ATP1A4: variants seen among roughly 807,000 people sequenced by gnomAD.
ATP1A4 encodes the protein ATPase Na+/K+ transporting subunit alpha 4.
A neutral mutation model predicts 114.3 loss-of-function variants in ATP1A4; 90 were observed. That is an observed-to-expected ratio of 0.79 (90% CI 0.66 to 0.94). The LOEUF (loss-of-function observed/expected upper bound fraction) is 0.94, where lower values mean the gene tolerates loss of function less well. ATP1A4 is among the 40% of genes least tolerant of loss of function. ATP1A4 has a pLI of 0.00. For synonymous variants in ATP1A4, 511 were observed against 494.1 expected (o/e 1.03, Z -0.45); for missense variants, 1,222 against 1,313.6 (o/e 0.93, Z 1.08).
In ATP1A4 at chr1:160,152,030, T is replaced by C. The variant is rs1486270532; in HGVS notation, c.-11T>C. The C allele has an allele frequency of 2.5e-6, 4 of 1,607,592 alleles. No homozygotes were observed. Among genetic ancestry groups the C allele is most frequent in the African/African-American group, 1.3e-5 (1 of 74,460 alleles). On this transcript the variant is annotated 5_prime_UTR_variant, in exon 1 of 22. Transcript: ENST00000368081. ...ACAGTTGAGCTCGGGCAGCTCTTTCTGGGGATAGCTATGGGGCTTTGGGGG... is the reference window on the plus strand; with the variant it reads ...ACAGTTGAGCTCGGGCAGCTCTTTCCGGGGATAGCTATGGGGCTTTGGGGG...
chr1:160,174,443 T>G lies in ATP1A4; in HGVS notation c.2143-136T>G, dbSNP rs939301390. The G allele has an allele frequency of 5.9e-5, 84 of 1,434,704 alleles. No individual in the cohort carries two copies. In the African/African-American group the frequency reaches 1.1e-3, roughly 20 times the overall value. 88.9% of individuals were successfully genotyped at this position (1,434,704 alleles called of 1,614,324 possible). A position where few individuals can be genotyped will look rare whatever the true frequency, so the allele number is the denominator to read the frequency against. On this transcript the variant is annotated intron_variant, in intron 14 of 21. Coordinates refer to ENST00000368081, the MANE Select transcript of ATP1A4 (RefSeq NM_144699.4). ...GAAAGTTTAAATATCTCAGGAGGAG[T>G]GGGAGAAGGACGGGAGCCCTAAATC...
chr1:160,169,465 A>AC (rs1653158592), intron 10 of ATP1A4, among the ~76,000 whole-genome samples: 1 of 152,100 alleles, frequency 6.6e-6, no homozygotes, highest in Non-Finnish European at 1.5e-5. Context: ...AGCTCTTTAA[A>AC]CTTTTTCCAG....
Position 160,174,206 on chromosome 1 carries a change from T to C in ATP1A4, c.2087T>C (p.Phe696Ser). Residue 696 changes from phenylalanine to serine, a missense_variant, in exon 14 of 22, where the codon TTT becomes TCT. Phe to Ser is a radical substitution (Grantham distance 155). Transcript: ENST00000368081. ...CTCCAGAACCACCCTGAGATCGTGTTTGCTCGGACCTCCCCTCAGCAGAAG... is the reference window on the plus strand; with the variant it reads ...CTCCAGAACCACCCTGAGATCGTGTCTGCTCGGACCTCCCCTCAGCAGAAG... ...QILQNHPEIV[F>S]ARTSPQQKLI... 2 of 1,614,164 alleles carry C rather than the reference T, an allele frequency of 1.2e-6. No individual in the cohort carries two copies. The highest frequency in any genetic ancestry group is 1.7e-6 in the Non-Finnish European group (2 of 1,180,024).
chr1:160,169,447 G>A (rs1280457637), intron 10 of ATP1A4, among the ~76,000 whole-genome samples: 1 of 152,192 alleles, frequency 6.6e-6, no homozygotes, highest in African/African-American at 2.4e-5. Flanking sequence ...TGAGCACTTA[G>A]AAAACTGAGC....
At chr1:160,159,184 G>A (rs1652781635) in intron 5 of ATP1A4, 48 bp downstream of exon 5, 1 of 1,593,990 alleles carries the variant, frequency 6.3e-7, no homozygotes, top group Non-Finnish European at 8.6e-7. Flanking sequence ...GTGATCTCAT[G>A]GCAGGGTAGA....
At chr1:160,183,683 C>T (rs555114285) in intron 20 of ATP1A4, among the ~76,000 whole-genome samples, 2 of 152,312 alleles carry the variant, frequency 1.3e-5, no homozygotes, top group South Asian at 4.1e-4. Context: ...ACAGTGGCCA[C>T]TATCCATATA....
intron 2 of ATP1A4, 40 bp downstream of exon 2, chr1:160,153,264 C>A: frequency 6.4e-7 from 1 of 1,569,260 alleles, no homozygotes; most frequent in Non-Finnish European, 8.8e-7. Context: ...GAGTCTCCAA[C>A]TCTGACTGTG....
In ATP1A4 at chr1:160,167,124, C is replaced by A. The variant is rs77933363; in HGVS notation, c.1356+47C>A. 4.7e-4 allele frequency: 745 copies of A among 1,586,998 alleles called. 4 individuals carry two copies. In the African/African-American group the frequency reaches 8.4e-3, roughly 18 times the overall value. ...GGGTACCTCAGTGTCCAGGGTGTAACCTGACCTCTCCCAAAAAATCCTCTC... is the reference window on the plus strand; with the variant it reads ...GGGTACCTCAGTGTCCAGGGTGTAAACTGACCTCTCCCAAAAAATCCTCTC... On this transcript the variant is annotated intron_variant, in intron 9 of 21. Transcript: ENST00000368081.
intron 12 of ATP1A4, among the ~76,000 whole-genome samples, chr1:160,172,032 A>G (rs1026807336): frequency 3.9e-5 from 6 of 152,148 alleles, no homozygotes; most frequent in Non-Finnish European, 7.3e-5. Flanking sequence ...GGATCCTGGC[A>G]ACAGTATTTT....
chr1:160,185,576 A>T (rs1005427747), intron 20 of ATP1A4, among the ~76,000 whole-genome samples: 4 of 151,938 alleles, frequency 2.6e-5, no homozygotes, highest in Non-Finnish European at 5.9e-5. Context: ...GCCTGAGCTC[A>T]AGAGTTCAAG....
chr1:160,164,159 C>A lies in ATP1A4; in HGVS notation c.782C>A (p.Thr261Asn), dbSNP rs1421057347. Residue 261 changes from threonine to asparagine, a missense_variant, in exon 7 of 22, where the codon ACC becomes AAC. Transcript: ENST00000368081. ...CFFSTNCVEGTARGIVIATGD... is the reference protein window; with the variant it reads ...CFFSTNCVEGNARGIVIATGD... ...CCCTCTCCTGCTTCATCCACAGGAA[C>A]CGCCCGGGGTATTGTGATTGCTACG... 2 of 1,613,562 alleles carry A rather than the reference C, an allele frequency of 1.2e-6. No homozygotes were observed. The highest frequency in any genetic ancestry group is 1.1e-5 in the South Asian group (1 of 91,040).
intron 18 of ATP1A4, among the ~76,000 whole-genome samples, chr1:160,179,447 T>C (rs1361580374): frequency 1.3e-5 from 2 of 152,242 alleles, no homozygotes; most frequent in African/African-American, 4.8e-5. Context: ...CCCCTGCACA[T>C]TGAAGACATC....
At chr1:160,183,953 C>CTTTTT (rs35692428) in intron 20 of ATP1A4, among the ~76,000 whole-genome samples, 1 of 129,172 alleles carries the variant, frequency 7.7e-6, no homozygotes, top group Non-Finnish European at 1.6e-5. Context: ...ATTGATAATG[C>CTTTTT]TTTTTTTTTT....
At chr1:160,173,764 C>T (rs952986538) in intron 13 of ATP1A4, 47 bp downstream of exon 13, 7 of 1,589,482 alleles carry the variant, frequency 4.4e-6, no homozygotes, top group Non-Finnish European at 6.0e-6. Context: ...CCTCCATCCC[C>T]AGCCTGCCCC....
chr1:160,180,677 T>TGACTCTG (rs1389501322), intron 18 of ATP1A4, among the ~76,000 whole-genome samples: 1 of 146,076 alleles, frequency 6.8e-6, no homozygotes, highest in Non-Finnish European at 1.5e-5. Context: ...CTATATCCCC[T>TGACTCTG]GACTCTGCCT....
intron 20 of ATP1A4, chr1:160,183,255 A>G (rs1489205893): frequency 6.6e-6 from 1 of 152,208 alleles, no homozygotes; most frequent in Non-Finnish European, 1.5e-5. Flanking sequence ...TGAGATTTAC[A>G]CGTAGAAATG....
intron 4 of ATP1A4, 110 bp from the exon 5 acceptor site, chr1:160,158,892 T>G: frequency 8.3e-7 from 1 of 1,201,524 alleles, no homozygotes; most frequent in Non-Finnish European, 1.2e-6. Flanking sequence ...TGGGTGACAG[T>G]AAGAAAGGGG....
chr1:160,153,035 A>C (rs1322666452), intron 1 of ATP1A4, 130 bp from the exon 2 acceptor site: 11 of 711,024 alleles, frequency 1.5e-5, no homozygotes, highest in Non-Finnish European at 2.7e-5. Context: ...TCTCAAAAAA[A>C]GAATTGCAGG....
intron 10 of ATP1A4, 39 bp downstream of exon 10, chr1:160,167,451 G>GA (rs1558021801): frequency 1.2e-6 from 2 of 1,606,346 alleles, no homozygotes; most frequent in African/African-American, 2.7e-5. Flanking sequence ...GTGGTGGGGG[G>GA]ATGGGCTTAT....
Sources: gnomAD v4.1 joint callset for allele counts (sites outside exome capture counted in the v4.1 genomes callset) on GRCh38, gnomAD v4.1.1 for gene constraint, MANE v1.5 for transcripts, NCBI Gene and HGNC (gene_info 2026-07-23, HGNC 2026-07-21) for gene names.